Variants in DNM1 observed in about 807,000 individuals in gnomAD.
DNM1 encodes the protein dynamin 1, also known as dynamin-1.
In DNM1, 29 loss-of-function variants were observed where a neutral mutation model predicts 104.6. That is an observed-to-expected ratio of 0.28 (90% CI 0.21 to 0.38). DNM1 has a LOEUF of 0.38. DNM1 is among the 10% of genes least tolerant of loss of function. DNM1 has a pLI of 1.00. For synonymous variants in DNM1, 445 were observed against 475.8 expected, an observed-to-expected ratio of 0.94 and a Z score of 0.84; for missense variants, 640 against 1,189.4, an observed-to-expected ratio of 0.54 and a Z score of 6.79.
chr9:128,238,554 A>G (rs965660665), intron 11 of DNM1, among the ~76,000 whole-genome samples: 12 of 151,560 alleles, frequency 7.9e-5, no homozygotes, highest in African/African-American at 2.7e-4. Context: ...ACATTTCTTT[A>G]TTAATGAGAG....
At chr9:128,219,747 G>A (rs1043903391) in intron 4 of DNM1, among the ~76,000 whole-genome samples, 3 of 152,234 alleles carry the variant, frequency 2.0e-5, no homozygotes, top group African/African-American at 7.2e-5. Flanking sequence ...AGGATCGCTT[G>A]AAGCCAGGAG....
intron 21 of DNM1, 93 bp downstream of exon 21, chr9:128,251,033 CCAGAACCGGCCGTTTCTATCCCAGGCAA>C (rs1829485228): frequency 1.2e-6 from 1 of 844,902 alleles, no homozygotes; most frequent in African/African-American, 1.7e-5. Context: ...GACCTGGCCG[CCAGAACCGGCCGTTTCTATCCCAGGCAA>C]TCGGACTCTG....
At chr9:128,244,713 C>T (rs772118665) in intron 15 of DNM1, 20 of 528,946 alleles carry the variant, frequency 3.8e-5, no homozygotes, top group South Asian at 2.8e-4. Context: ...TCTCCAGTGG[C>T]GGCGGTGCCG....
chr9:128,243,858 C>T lies in DNM1; in HGVS notation c.1671+1513C>T, dbSNP rs999964393. Among the ~76,000 whole-genome samples the T allele has an allele frequency of 9.9e-5, 15 of 151,964 alleles. No homozygotes were observed. Among genetic ancestry groups the T allele is most frequent in the Non-Finnish European group, 2.2e-4 (15 of 68,006 alleles). On this transcript the variant is annotated intron_variant, in intron 15 of 21. Coordinates refer to ENST00000372923, the MANE Select transcript of DNM1 (RefSeq NM_004408.4). The surrounding 1 kb of genome is among the most constrained non-coding windows in gnomAD (Gnocchi z 4.0). The stretch of plus-strand genomic sequence containing the variant: ...GCTTTTGTGTACATCTGAGTTAAGT[C>T]GTGTGCGAAAACAGCTCTGAGAATC...
At chr9:128,234,192 T>A in intron 11 of DNM1, 85 bp downstream of exon 11, 2 of 1,145,526 alleles carry the variant, frequency 1.7e-6, no homozygotes, top group Admixed American at 5.4e-5. Flanking sequence ...TGGGGTTGCT[T>A]CCTTCTTGTT....
Position 128,243,232 on chromosome 9 carries a change from G to T in DNM1, c.1671+887G>T, listed in dbSNP as rs1836500366. Among the ~76,000 whole-genome samples, 1 of 152,178 alleles carries T rather than the reference G, an allele frequency of 6.6e-6. No individual in the cohort carries two copies. The highest frequency in any genetic ancestry group is 2.4e-5 in the African/African-American group (1 of 41,440). ...CCTGTTGCTGGTCTCCTTTAAGAATGAGTCTATTTGGCTTTCACATCTGGA... is the reference window on the plus strand; with the variant it reads ...CCTGTTGCTGGTCTCCTTTAAGAATTAGTCTATTTGGCTTTCACATCTGGA... On this transcript the variant is annotated intron_variant, in intron 15 of 21. Transcript: ENST00000372923. This position sits in a 1 kb window ranked among gnomAD's most constrained non-coding sequence, Gnocchi z 4.0.
At chr9:128,250,525 G>T (rs1019795542) in intron 20 of DNM1, among the ~76,000 whole-genome samples, 169 bp downstream of exon 20, 1 of 152,186 alleles carries the variant, frequency 6.6e-6, no homozygotes, top group Non-Finnish European at 1.5e-5. Context: ...TTGCCGTGGA[G>T]AGCTGGCTGC....
Position 128,203,670 on chromosome 9 carries a change from C to T in DNM1, c.161+39C>T. ...GCCCCCAGGCGCCGACCCCCGACCC[C>T]CGGGATCCCTGGAGTCCCCGCCCGG... On this transcript the variant is annotated intron_variant, in intron 1 of 21. Coordinates refer to ENST00000372923, the MANE Select transcript of DNM1 (RefSeq NM_004408.4). The surrounding 1 kb of genome is among the most constrained non-coding windows in gnomAD (Gnocchi z 5.3). 1 of 1,478,098 alleles carries T rather than the reference C, an allele frequency of 6.8e-7. No individual in the cohort carries two copies. Among genetic ancestry groups the T allele is most frequent in the South Asian group, 1.3e-5 (1 of 79,076 alleles). 91.6% of individuals were successfully genotyped at this position (1,478,098 alleles called of 1,614,324 possible). A position where few individuals can be genotyped will look rare whatever the true frequency, so the allele number is the denominator to read the frequency against.
In DNM1 at chr9:128,224,028, G is replaced by C. The variant is rs142866671; in HGVS notation, c.1197-223G>C. On this transcript the variant is annotated intron_variant, in intron 9 of 21. Coordinates refer to ENST00000372923, the MANE Select transcript of DNM1 (RefSeq NM_004408.4). The surrounding 1 kb of genome is among the most constrained non-coding windows in gnomAD (Gnocchi z 4.3). ...TGCGCCACTGCACTCCAGCCTGGGC[G>C]ACAGAGCAAGACTCCGTCTCAAAAA... 0.013 allele frequency: 5,772 copies of C among 446,372 alleles called. 66 individuals are homozygous for C. The highest frequency in any genetic ancestry group is 0.016 in the Non-Finnish European group (4,214 of 263,048). 27.7% of individuals were successfully genotyped at this position (446,372 alleles called of 1,614,324 possible). A position where few individuals can be genotyped will look rare whatever the true frequency, so the allele number is the denominator to read the frequency against.
In DNM1 at chr9:128,224,371, TAGAC is replaced by T. The variant is rs1835209840; in HGVS notation, c.1320_1323del (p.Arg440SerfsTer20). On this transcript the variant is annotated frameshift_variant, in exon 10 of 22. Transcript: ENST00000372923. LOFTEE classifies it high-confidence loss of function. This position sits in a 1 kb window ranked among gnomAD's most constrained non-coding sequence, Gnocchi z 4.3. ...TTATCTCGGAGCTAATCAGCACCGT[TAGAC>T]AGTGCACCAAGAAGGTAACCCGGAG... 1 of 1,612,360 alleles carries T rather than the reference TAGAC, an allele frequency of 6.2e-7. No individual in the cohort carries two copies. Among genetic ancestry groups the T allele is most frequent in the Non-Finnish European group, 8.5e-7 (1 of 1,178,788 alleles).
intron 10 of DNM1, among the ~76,000 whole-genome samples, chr9:128,226,971 A>T (rs1285827685): frequency 6.8e-6 from 1 of 147,018 alleles, no homozygotes; most frequent in African/African-American, 2.5e-5. Flanking sequence ...CATCCACCTT[A>T]GCATTGAGTT....
chr9:128,210,972 G>GAA (rs35207950), intron 1 of DNM1, among the ~76,000 whole-genome samples: 40 of 148,654 alleles, frequency 2.7e-4, no homozygotes, highest in Admixed American at 4.7e-4. Context: ...ATAAGCAACA[G>GAA]AAAAAAAAAA....
chr9:128,203,823 C>A lies in DNM1; in HGVS notation c.161+192C>A, dbSNP rs1453919009. 6.6e-6 allele frequency among the ~76,000 whole-genome samples: 1 copy of A among 151,148 alleles called. No individual in the cohort carries two copies. On this transcript the variant is annotated intron_variant, in intron 1 of 21. Coordinates refer to ENST00000372923, the MANE Select transcript of DNM1 (RefSeq NM_004408.4). The surrounding 1 kb of genome is among the most constrained non-coding windows in gnomAD (Gnocchi z 5.3). ...AGCCCCTCGGGGCAGCAGCGCCCCCCGCTAGTCTGCAAACGTCGTCAAGCC... is the reference window on the plus strand; with the variant it reads ...AGCCCCTCGGGGCAGCAGCGCCCCCAGCTAGTCTGCAAACGTCGTCAAGCC...
At position 128,247,365 on chromosome 9, in the gene DNM1, T is replaced by C. The variant is rs1384994949; in HGVS notation, c.1782-10T>C. Reference sequence around the variant, plus strand: ...GCCCATCTGCCCTCACTGCCTGCCCTATCTTGCAGGAATGTCTACAAGGAT... The same window carrying C: ...GCCCATCTGCCCTCACTGCCTGCCCCATCTTGCAGGAATGTCTACAAGGAT... On this transcript the variant is annotated splice_polypyrimidine_tract_variant and intron_variant, in intron 16 of 21. Coordinates refer to ENST00000372923, the MANE Select transcript of DNM1 (RefSeq NM_004408.4). This position sits in a 1 kb window ranked among gnomAD's most constrained non-coding sequence, Gnocchi z 5.1. 6.3e-7 allele frequency: 1 copy of C among 1,593,258 alleles called. No individual in the cohort carries two copies. Among genetic ancestry groups the C allele is most frequent in the Non-Finnish European group, 8.6e-7 (1 of 1,162,742 alleles).
At chr9:128,251,229 C>A (rs1483698583) in intron 21 of DNM1, 1 of 612,656 alleles carries the variant, frequency 1.6e-6, no homozygotes, top group Non-Finnish European at 3.0e-6. Flanking sequence ...CCTCTATTTT[C>A]ACTCTTGGCG....
At chr9:128,238,653 CT>C (rs60034616) in intron 11 of DNM1, among the ~76,000 whole-genome samples, 7,578 of 140,734 alleles carry the variant, frequency 0.054, 235 homozygotes, top group African/African-American at 0.14. Context: ...TTGTGATTTT[CT>C]TTTTTTTTTT....
In DNM1 at chr9:128,254,046, C is replaced by A; in HGVS notation, c.2535-608C>A. 1 of 1,237,010 alleles carries A rather than the reference C, an allele frequency of 8.1e-7. No homozygotes were observed. Among genetic ancestry groups the A allele is most frequent in the Admixed American group, 4.2e-5 (1 of 23,760 alleles). The allele number at this position is 1,237,010 out of a possible 1,614,324, so 76.6% of individuals were successfully genotyped here. On this transcript the variant is annotated intron_variant, in intron 21 of 21. Transcript: ENST00000372923. This position sits in a 1 kb window ranked among gnomAD's most constrained non-coding sequence, Gnocchi z 6.1. The stretch of plus-strand genomic sequence containing the variant: ...CTCACCTACGAGACCTGCAGCCCCC[C>A]GACCAGCTGAGGCTCCCCTCTTAGA...
chr9:128,222,899 AGT>A lies in DNM1; in HGVS notation c.1196+40_1196+41del, dbSNP rs748390919. 2.5e-6 allele frequency: 4 copies of A among 1,595,936 alleles called. No individual in the cohort carries two copies. The African/African-American group carries it at 5.4e-5, about 21-fold the overall frequency. On this transcript the variant is annotated intron_variant, in intron 9 of 21. Coordinates refer to ENST00000372923, the MANE Select transcript of DNM1 (RefSeq NM_004408.4). This position sits in a 1 kb window ranked among gnomAD's most constrained non-coding sequence, Gnocchi z 7.8. ...CCTGGGAGGGTGGCTGAACCCCAGA[AGT>A]AGGGGGTCTGGGACAGAGGCACAGG...
chr9:128,233,182 T>TG (rs1163236248), intron 10 of DNM1, among the ~76,000 whole-genome samples: 1 of 152,088 alleles, frequency 6.6e-6, no homozygotes, highest in African/African-American at 2.4e-5. Flanking sequence ...TCATAAGAAC[T>TG]GGGGGGAAAG....
Sources: gnomAD v4.1 joint callset for allele counts (sites outside exome capture counted in the v4.1 genomes callset) on GRCh38, gnomAD v4.1.1 for gene constraint, Gnocchi (gnomAD v3.1) non-coding constraint, MANE v1.5 for transcripts, NCBI Gene and HGNC (gene_info 2026-07-23, HGNC 2026-07-21) for gene names.